The following TAP2 variants were observed in gnomAD, a reference collection of about 807,000 sequenced individuals.
The protein encoded by TAP2 is transporter 2, ATP binding cassette subfamily B member.
Under a neutral mutation model 74.7 loss-of-function variants are expected in TAP2, and 49 were observed. That is an observed-to-expected ratio of 0.66 (90% CI 0.52 to 0.83). The LOEUF (loss-of-function observed/expected upper bound fraction) is 0.83, where lower values mean the gene tolerates loss of function less well. TAP2 is among the 40% of genes least tolerant of loss of function. The pLI is 0.00. For missense variants in TAP2, 739 were observed against 859.0 expected (o/e 0.86, Z 1.75); for synonymous variants, 306 against 368.4 (o/e 0.83, Z 1.94).
In TAP2 at chr6:32,835,794, A is replaced by AG. The variant is rs764357461; in HGVS notation, c.609-22dup. On this transcript the variant is annotated intron_variant, in intron 3 of 11. Coordinates refer to ENST00000374897, the MANE Select transcript of TAP2 (RefSeq NM_001290043.2). This position sits in a 1 kb window ranked among gnomAD's most constrained non-coding sequence, Gnocchi z 4.0. The stretch of plus-strand genomic sequence containing the variant: ...GTGAGCTGTGGGGTAGGAGAATAAG[A>AG]GGGGAGGGAGATGCAGAGAAGGAGC... 7 of 1,613,030 alleles carry AG rather than the reference A, an allele frequency of 4.3e-6. No individual in the cohort carries two copies. Among genetic ancestry groups the AG allele is most frequent in the Middle Eastern group, 1.6e-4 (1 of 6,062 alleles).
Position 32,826,667 on chromosome 6 carries a change from A to C in TAP2, c.*2239T>G. 1.0e-6 allele frequency: 1 copy of C among 985,430 alleles called. No individual in the cohort carries two copies. The highest frequency in any genetic ancestry group is 1.2e-6 in the Non-Finnish European group (1 of 829,924). The allele number at this position is 985,430 out of a possible 1,614,324, so 61.0% of individuals were successfully genotyped here. On this transcript the variant is annotated 3_prime_UTR_variant, in exon 12 of 12. Transcript: ENST00000374897. The stretch of plus-strand genomic sequence containing the variant: ...CTTAAGGTCTACTGCATCTTCCTGT[A>C]CTGCCCATCAAGATAAGTTTTCCAC...
At position 32,835,578 on chromosome 6, in the gene TAP2, G is replaced by A; in HGVS notation, c.739+65C>T. On this transcript the variant is annotated intron_variant, in intron 4 of 11. Transcript: ENST00000374897. The surrounding 1 kb of genome is among the most constrained non-coding windows in gnomAD (Gnocchi z 4.0). Reference sequence around the variant, plus strand: ...GGTGAAGGCAGGAGGAGAGGCTGTGGGTGGAAGGTCACTGAGGGGCAAGGG... The same window carrying A: ...GGTGAAGGCAGGAGGAGAGGCTGTGAGTGGAAGGTCACTGAGGGGCAAGGG... 1 of 1,608,150 alleles carries A rather than the reference G, an allele frequency of 6.2e-7. No individual in the cohort carries two copies. The highest frequency in any genetic ancestry group is 1.7e-4 in the Middle Eastern group (1 of 6,030).
At chr6:32,831,233 C>T (rs1202663636) in intron 7 of TAP2, among the ~76,000 whole-genome samples, 1 of 152,062 alleles carries the variant, frequency 6.6e-6, no homozygotes, top group African/African-American at 2.4e-5. Flanking sequence ...TAAATAAAGC[C>T]CTGGATGAAG....
At chr6:32,822,021 C>A, downstream of TAP2, 1 of 443,114 alleles carries the variant, frequency 2.3e-6, no homozygotes, top group Non-Finnish European at 4.1e-6. Context: ...TTGGGGTGTC[C>A]AAAGCAAACT....
downstream of TAP2, chr6:32,822,042 C>A: frequency 1.9e-6 from 1 of 524,978 alleles, no homozygotes; most frequent in Non-Finnish European, 3.4e-6. Flanking sequence ...CATGATCCCA[C>A]CTAGTGAGAA....
chr6:32,830,400 A>G lies in TAP2; in HGVS notation c.1502T>C (p.Leu501Pro), dbSNP rs766249644. Residue 501 changes from leucine to proline, a missense_variant, in exon 9 of 12, where the codon CTG becomes CCG. Leu to Pro is a moderately conservative substitution (Grantham distance 98). Coordinates refer to ENST00000374897, the MANE Select transcript of TAP2 (RefSeq NM_001290043.2). ...CTTCCCAGACCCATTGGGTCCCACC[A>G]GCGCCGTCACCTCACCAGGACGTAG... ...FTLRPGEVTA[L>P]VGPNGSGKST... 6.2e-7 allele frequency: 1 copy of G among 1,612,936 alleles called. No individual in the cohort carries two copies. The highest frequency in any genetic ancestry group is 1.1e-5 in the South Asian group (1 of 91,082).
In TAP2 at chr6:32,835,900, A is replaced by G. The variant is rs1769389543; in HGVS notation, c.609-127T>C. Reference sequence around the variant, plus strand: ...GGGGAAAGCATGCCAGGAGGGGCAAAAGAGAAAGAAATGAGAGACAGACAC... The same window carrying G: ...GGGGAAAGCATGCCAGGAGGGGCAAGAGAGAAAGAAATGAGAGACAGACAC... On this transcript the variant is annotated intron_variant, in intron 3 of 11. Coordinates refer to ENST00000374897, the MANE Select transcript of TAP2 (RefSeq NM_001290043.2). This position sits in a 1 kb window ranked among gnomAD's most constrained non-coding sequence, Gnocchi z 4.0. 1 of 1,173,828 alleles carries G rather than the reference A, an allele frequency of 8.5e-7. No homozygotes were observed. Among genetic ancestry groups the G allele is most frequent in the Non-Finnish European group, 1.2e-6 (1 of 804,522 alleles). The allele number at this position is 1,173,828 out of a possible 1,614,324, so 72.7% of individuals were successfully genotyped here.
chr6:32,823,140 G>A (rs948862275), downstream of TAP2, among the ~76,000 whole-genome samples: 3 of 151,952 alleles, frequency 2.0e-5, no homozygotes, highest in Non-Finnish European at 2.9e-5. Context: ...GGCTGCCCTC[G>A]AAATCCTGAC....
Position 32,835,687 on chromosome 6 carries a change from G to A in TAP2, c.695C>T (p.Ser232Phe), listed in dbSNP as rs1409379915. The part of the protein sequence containing the change: ...NLRIREQLFS[S>F]LLRQDLGFFQ... ...GAAACCGAGGTCCTGGCGCAGCAGG[G>A]AGGAGAAAAGCTGCTCCCGGATCCG... Residue 232 changes from serine (S) to phenylalanine (F), a missense_variant, in exon 4 of 12, where the codon TCC (serine) becomes TTC (phenylalanine). Physicochemically the swap from Ser to Phe is radical, Grantham distance 155. Coordinates refer to ENST00000374897, the MANE Select transcript of TAP2 (RefSeq NM_001290043.2). The surrounding 1 kb of genome is among the most constrained non-coding windows in gnomAD (Gnocchi z 4.0). 1.2e-6 allele frequency: 2 copies of A among 1,613,114 alleles called. No homozygotes were observed. The highest frequency in any genetic ancestry group is 8.5e-7 in the Non-Finnish European group (1 of 1,180,046).
downstream of TAP2, chr6:32,822,034 T>C: frequency 2.1e-6 from 1 of 484,732 alleles, no homozygotes; most frequent in Non-Finnish European, 3.7e-6. Context: ...AGCAAACTCA[T>C]GATCCCACCT....
downstream of TAP2, chr6:32,821,975 G>A (rs1768311497): frequency 3.1e-6 from 1 of 324,798 alleles, no homozygotes; most frequent in East Asian, 6.5e-5. Flanking sequence ...TGGGGAAGAG[G>A]GAAAGGATGT....
In TAP2 at chr6:32,827,689, G is replaced by A. The variant is rs1331267660; in HGVS notation, c.*1217C>T. 1 of 940,612 alleles carries A rather than the reference G, an allele frequency of 1.1e-6. No individual in the cohort carries two copies. The highest frequency in any genetic ancestry group is 1.3e-6 in the Non-Finnish European group (1 of 789,884). 58.3% of individuals were successfully genotyped at this position (940,612 alleles called of 1,614,324 possible). A position where few individuals can be genotyped will look rare whatever the true frequency, so the allele number is the denominator to read the frequency against. Reference sequence around the variant, plus strand: ...TTGGGGAAGGCAGAAGTTTGTCGTGGAGCTGGATACAACAGGAGAGGGTGA... The same window carrying A: ...TTGGGGAAGGCAGAAGTTTGTCGTGAAGCTGGATACAACAGGAGAGGGTGA... On this transcript the variant is annotated 3_prime_UTR_variant, in exon 12 of 12. Coordinates refer to ENST00000374897, the MANE Select transcript of TAP2 (RefSeq NM_001290043.2).
At chr6:32,823,139 C>G (rs188465955), downstream of TAP2, among the ~76,000 whole-genome samples, 3 of 152,084 alleles carry the variant, frequency 2.0e-5, no homozygotes, top group South Asian at 4.1e-4. Flanking sequence ...AGGCTGCCCT[C>G]GAAATCCTGA....
At position 32,829,410 on chromosome 6, in the gene TAP2, C is replaced by T. The variant is rs1562324327; in HGVS notation, c.1922G>A (p.Cys641Tyr). The T allele has an allele frequency of 4.4e-6, 7 of 1,602,724 alleles. No individual in the cohort carries two copies. The highest frequency in any genetic ancestry group is 5.1e-6 in the Non-Finnish European group (6 of 1,174,282). ...DEATSALDVQCEQALQDWNSR... is the reference protein window; with the variant it reads ...DEATSALDVQYEQALQDWNSR... ...TCTCACGGTACTCACGGCCTGCTCG[C>T]ACTGCACATCTAGGGCACTAGTAGC... The change falls in exon 11 of 12, where the codon TGC becomes TAC. Residue 641 changes from cysteine (C) to tyrosine (Y), a missense_variant. Coordinates refer to ENST00000374897, the MANE Select transcript of TAP2 (RefSeq NM_001290043.2).
In TAP2 at chr6:32,832,486, A is replaced by T; in HGVS notation, c.1144-25T>A. ...CCTGGAAGAGGAGAAGAAAGAGATG[A>T]GGCTGGGAATCTTCCCATTCTTTCC... is the stretch of plus-strand genomic sequence containing the variant. On this transcript the variant is annotated intron_variant, in intron 6 of 11. Transcript: ENST00000374897. This position sits in a 1 kb window ranked among gnomAD's most constrained non-coding sequence, Gnocchi z 5.9. The T allele has an allele frequency of 6.2e-7, 1 of 1,611,686 alleles. No individual in the cohort carries two copies. Among genetic ancestry groups the T allele is most frequent in the Non-Finnish European group, 8.5e-7 (1 of 1,179,428 alleles).
Position 32,830,385 on chromosome 6 carries a change from C to G in TAP2, c.1517G>C (p.Gly506Ala). ...GGCAGCCACTGTGCTCTTCCCAGAC[C>G]CATTGGGTCCCACCAGCGCCGTCAC... The part of the protein sequence containing the change: ...GEVTALVGPN[G>A]SGKSTVAALL... The change falls in exon 9 of 12, where the codon GGG becomes GCG. Residue 506 changes from glycine to alanine, a missense_variant. Transcript: ENST00000374897. The G allele has an allele frequency of 6.2e-7, 1 of 1,612,960 alleles. No individual in the cohort carries two copies. Among genetic ancestry groups the G allele is most frequent in the Non-Finnish European group, 8.5e-7 (1 of 1,180,024 alleles).
rs1769115719 is a variant in TAP2, at chr6:32,832,077, G to A, written c.1272+256C>T. On this transcript the variant is annotated intron_variant, in intron 7 of 11. Coordinates refer to ENST00000374897, the MANE Select transcript of TAP2 (RefSeq NM_001290043.2). This position sits in a 1 kb window ranked among gnomAD's most constrained non-coding sequence, Gnocchi z 5.9. ...TTGCTTCAGAATAATATGGGTGGGG[G>A]GAAGTGGCTGGGGATACAGATCCAA... Among the ~76,000 whole-genome samples the A allele has an allele frequency of 6.6e-6, 1 of 152,146 alleles. No homozygotes were observed. The highest frequency in any genetic ancestry group is 2.4e-5 in the African/African-American group (1 of 41,424).
chr6:32,829,685 G>A, intron 10 of TAP2, 149 bp from the exon 11 acceptor site: 1 of 1,327,596 alleles, frequency 7.5e-7, no homozygotes, highest in Non-Finnish European at 1.1e-6. Flanking sequence ...GAGGGCCATG[G>A]GGTGGGGACC....
In TAP2 at chr6:32,835,788, A is replaced by C. The variant is rs754505814; in HGVS notation, c.609-15T>G. 1 of 1,613,032 alleles carries C rather than the reference A, an allele frequency of 6.2e-7. No individual in the cohort carries two copies. The highest frequency in any genetic ancestry group is 8.5e-7 in the Non-Finnish European group (1 of 1,179,976). ...CAGACAGTGAGCTGTGGGGTAGGAG[A>C]ATAAGAGGGGAGGGAGATGCAGAGA... On this transcript the variant is annotated splice_polypyrimidine_tract_variant and intron_variant, in intron 3 of 11. Coordinates refer to ENST00000374897, the MANE Select transcript of TAP2 (RefSeq NM_001290043.2). The surrounding 1 kb of genome is among the most constrained non-coding windows in gnomAD (Gnocchi z 4.0).
Sources: gnomAD v4.1 joint callset for allele counts (sites outside exome capture counted in the v4.1 genomes callset) on GRCh38, gnomAD v4.1.1 for gene constraint, Gnocchi (gnomAD v3.1) non-coding constraint, MANE v1.5 for transcripts, NCBI Gene and HGNC (gene_info 2026-07-23, HGNC 2026-07-21) for gene names.